STX8: variants seen among roughly 807,000 people sequenced by gnomAD.
The protein encoded by STX8 is syntaxin-8.
In STX8, 23 loss-of-function variants were observed where a neutral mutation model predicts 37.5. The ratio of observed to expected loss-of-function variants is 0.61; its 90% CI spans 0.44 to 0.87. The LOEUF (loss-of-function observed/expected upper bound fraction) is 0.87, where lower values mean the gene tolerates loss of function less well. Ranked by LOEUF, STX8 falls within the 40% of genes least tolerant of loss-of-function variation. The pLI is 0.00. For synonymous variants in STX8, 115 were observed against 99.1 expected, an observed-to-expected ratio of 1.16 and a Z score of -0.95; for missense variants, 313 against 284.7, an observed-to-expected ratio of 1.10 and a Z score of -0.71.
intron 7 of STX8, among the ~76,000 whole-genome samples, chr17:9,260,377 A>T (rs927968607): frequency 1.3e-5 from 2 of 152,086 alleles, no homozygotes; most frequent in African/African-American, 4.8e-5. Context: ...TAATCCCAGC[A>T]ATTTGGGAGG....
At chr17:9,540,552 CTG>C (rs1906238513) in intron 4 of STX8, 1 of 152,212 alleles carries the variant, frequency 6.6e-6, no homozygotes, top group African/African-American at 2.4e-5. Flanking sequence ...TCCTTCCTCT[CTG>C]TATCTGCAAT....
At chr17:9,490,160 T>C (rs978381606) in intron 6 of STX8, among the ~76,000 whole-genome samples, 1 of 152,200 alleles carries the variant, frequency 6.6e-6, no homozygotes, top group Non-Finnish European at 1.5e-5. Flanking sequence ...GGCTTCTCCA[T>C]TGGATTTAGT....
intron 7 of STX8, among the ~76,000 whole-genome samples, chr17:9,271,562 C>T (rs1030225923): frequency 9.2e-5 from 14 of 152,014 alleles, no homozygotes; most frequent in African/African-American, 3.4e-4. Context: ...CCATCCTGGC[C>T]AACAGGGTGA....
chr17:9,370,163 C>T (rs1312992212), intron 7 of STX8, among the ~76,000 whole-genome samples: 2 of 151,638 alleles, frequency 1.3e-5, no homozygotes, highest in African/African-American at 2.4e-5. Context: ...TGCAGTGAGC[C>T]GAGATCACAC....
At chr17:9,371,523 C>T (rs1316383269) in intron 7 of STX8, among the ~76,000 whole-genome samples, 1 of 152,212 alleles carries the variant, frequency 6.6e-6, no homozygotes, top group Non-Finnish European at 1.5e-5. Flanking sequence ...TATCTCGAAG[C>T]TCTTGCACCA....
At position 9,458,800 on chromosome 17, in the gene STX8, A is replaced by C. The variant is rs995242526; in HGVS notation, c.541+33029T>G. 3.3e-5 allele frequency among the ~76,000 whole-genome samples: 5 copies of C among 151,518 alleles called. No homozygotes were observed. The East Asian group carries it at 9.7e-4, about 29-fold the overall frequency. The stretch of plus-strand genomic sequence containing the variant: ...TAGGCGTATCGGCCAGGGTCTGATC[A>C]GGCGACAGAAATCACTCCAGTTATT... On this transcript the variant is annotated intron_variant, in intron 6 of 7. Coordinates refer to ENST00000306357, the MANE Select transcript of STX8 (RefSeq NM_004853.3).
chr17:9,476,045 G>A (rs1000678476), intron 6 of STX8, among the ~76,000 whole-genome samples: 5 of 152,194 alleles, frequency 3.3e-5, no homozygotes, highest in African/African-American at 1.2e-4. Context: ...TGGGTATGGT[G>A]GCACATGCTT....
At chr17:9,543,292 G>GTACTTTTTTTTT (rs371620984) in intron 4 of STX8, among the ~76,000 whole-genome samples, 1 of 33,972 alleles carries the variant, frequency 2.9e-5, no homozygotes, top group African/African-American at 1.6e-4. Flanking sequence ...CTAGAAGACA[G>GTACTTTTTTTTT]TTTTTTGGTT....
chr17:9,297,213 C>T (rs1908586676), intron 7 of STX8, among the ~76,000 whole-genome samples: 1 of 128,576 alleles, frequency 7.8e-6, no homozygotes, highest in South Asian at 2.4e-4. Flanking sequence ...ATTTTGCATA[C>T]AGTCTGATAG....
intron 4 of STX8, among the ~76,000 whole-genome samples, chr17:9,516,628 C>T (rs913782043): frequency 5.9e-5 from 9 of 152,084 alleles, no homozygotes; most frequent in Admixed American, 2.0e-4. Flanking sequence ...CCTGGATGTA[C>T]ACCCGATTCT....
intron 6 of STX8, among the ~76,000 whole-genome samples, chr17:9,437,264 T>C (rs1904468756): frequency 6.6e-6 from 1 of 152,226 alleles, no homozygotes; most frequent in Non-Finnish European, 1.5e-5. Flanking sequence ...TTGCTCAAAA[T>C]GGCTAGTTTC....
intron 7 of STX8, among the ~76,000 whole-genome samples, chr17:9,323,321 A>G (rs1020988973): frequency 1.3e-5 from 2 of 152,206 alleles, no homozygotes; most frequent in Non-Finnish European, 1.5e-5. Flanking sequence ...AAAATCAATT[A>G]AAGACTACAT....
At chr17:9,499,248 TG>T (rs1904524029) in intron 5 of STX8, among the ~76,000 whole-genome samples, 1 of 152,140 alleles carries the variant, frequency 6.6e-6, no homozygotes, top group Non-Finnish European at 1.5e-5. Context: ...ATGCAGGACC[TG>T]GCAAGGACGC....
intron 6 of STX8, among the ~76,000 whole-genome samples, chr17:9,385,918 C>T (rs994311808): frequency 4.6e-5 from 7 of 152,156 alleles, no homozygotes; most frequent in African/African-American, 1.7e-4. Flanking sequence ...GATTTACAGG[C>T]ACGCGCCACT....
At chr17:9,301,628 G>T (rs942555937) in intron 7 of STX8, among the ~76,000 whole-genome samples, 1 of 150,396 alleles carries the variant, frequency 6.6e-6, no homozygotes, top group African/African-American at 2.4e-5. Flanking sequence ...GACTACAGGC[G>T]CCTGCCACTA....
intron 7 of STX8, among the ~76,000 whole-genome samples, chr17:9,338,777 T>A (rs946516290): frequency 6.6e-6 from 1 of 152,096 alleles, no homozygotes; most frequent in Non-Finnish European, 1.5e-5. Flanking sequence ...GTTTGCATTT[T>A]AAAAAACATT....
At chr17:9,299,636 G>A (rs1908696256) in intron 7 of STX8, among the ~76,000 whole-genome samples, 1 of 151,888 alleles carries the variant, frequency 6.6e-6, no homozygotes, top group South Asian at 2.1e-4. Context: ...GTAGAGACAG[G>A]GTTTCACCGT....
intron 6 of STX8, among the ~76,000 whole-genome samples, chr17:9,395,212 T>C (rs530272412): frequency 2.0e-5 from 3 of 152,314 alleles, no homozygotes; most frequent in Admixed American, 1.3e-4. Flanking sequence ...AATATTCATA[T>C]AAAAATGAAA....
intron 4 of STX8, among the ~76,000 whole-genome samples, chr17:9,527,932 C>T (rs907719828): frequency 9.2e-5 from 14 of 152,136 alleles, no homozygotes; most frequent in East Asian, 3.9e-4. Flanking sequence ...CTGCAGCACT[C>T]GTTGTAATGG....
Sources: allele counts gnomAD v4.1 joint callset (sites outside exome capture counted in the v4.1 genomes callset), GRCh38; gene constraint gnomAD v4.1.1; transcripts MANE v1.5; gene names NCBI Gene and HGNC (gene_info 2026-07-23, HGNC 2026-07-21).